Variants in OGDH observed in about 807,000 individuals in gnomAD.
OGDH encodes 2-oxoglutarate dehydrogenase complex component E1.
OGDH carries 38 observed loss-of-function variants against 116.6 expected under a neutral mutation model. That is an observed-to-expected ratio of 0.33 (90% CI 0.25 to 0.43). The LOEUF is 0.43. Ranked by LOEUF, OGDH falls within the 20% of genes least tolerant of loss-of-function variation. OGDH has a pLI of 1.00. For synonymous variants in OGDH, 488 were observed against 533.3 expected, an observed-to-expected ratio of 0.92 and a Z score of 1.17; for missense variants, 825 against 1,357.2, an observed-to-expected ratio of 0.61 and a Z score of 6.16.
At position 44,700,247 on chromosome 7, in the gene OGDH, T is replaced by A; in HGVS notation, c.2537T>A (p.Ile846Asn). ...GNFFHVLRRQ[I>N]LLPFRKPLII... ...TTCTTCCACGTGCTACGACGCCAGA[T>A]CCTGCTGCCATTCCGGAAGCCGGTC... The change falls in exon 19 of 23, where the codon ATC becomes AAC. Residue 846 changes from isoleucine (I) to asparagine (N), a missense_variant. By Grantham distance (149) the Ile-to-Asn change is moderately radical. Coordinates refer to ENST00000222673, the MANE Select transcript of OGDH (RefSeq NM_002541.4). The A allele has an allele frequency of 1.2e-6, 2 of 1,614,208 alleles. No individual in the cohort carries two copies. Among genetic ancestry groups the A allele is most frequent in the Non-Finnish European group, 1.7e-6 (2 of 1,180,030 alleles).
chr7:44,660,754 G>A (rs765526351), intron 4 of OGDH, among the ~76,000 whole-genome samples: 3 of 152,058 alleles, frequency 2.0e-5, no homozygotes, highest in Non-Finnish European at 4.4e-5. Flanking sequence ...CGAGACCCCT[G>A]TTTCCACCAC....
chr7:44,679,909 C>T (rs57185783), intron 9 of OGDH, among the ~76,000 whole-genome samples: 1 of 152,152 alleles, frequency 6.6e-6, no homozygotes, highest in East Asian at 1.9e-4. Context: ...AGCCTGATTC[C>T]TTAAAAACCC....
intron 2 of OGDH, among the ~76,000 whole-genome samples, chr7:44,628,393 A>T (rs1785290150): frequency 1.3e-5 from 2 of 149,424 alleles, no homozygotes; most frequent in East Asian, 2.0e-4. Flanking sequence ...TTTTTTTTAC[A>T]TTTGGTTTTA....
At chr7:44,689,392 C>CTTTTTTTTTTTTTTTTTTTT (rs561058807) in intron 10 of OGDH, among the ~76,000 whole-genome samples, 1 of 71,220 alleles carries the variant, frequency 1.4e-5, no homozygotes, top group African/African-American at 5.9e-5. Flanking sequence ...ATTTTTTTTT[C>CTTTTTTTTTTTTTTTTTTTT]TTTTTTTTTT....
chr7:44,666,387 C>G (rs1048793083), intron 4 of OGDH, among the ~76,000 whole-genome samples: 2 of 152,156 alleles, frequency 1.3e-5, no homozygotes, highest in African/African-American at 4.8e-5. Flanking sequence ...AGTGCCTTTT[C>G]ATGGACCTCT....
intron 9 of OGDH, chr7:44,676,614 GTA>G (rs71858267): frequency 0.56 from 73,103 of 130,666 alleles, 19,082 homozygotes; most frequent in Middle Eastern, 0.64. Flanking sequence ...GTGTGTGTGT[GTA>G]TATATATATA....
intron 1 of OGDH, among the ~76,000 whole-genome samples, chr7:44,617,398 G>C (rs1394039672): frequency 6.6e-6 from 1 of 152,150 alleles, no homozygotes; most frequent in African/African-American, 2.4e-5. Context: ...TGTTGGCCCA[G>C]GAAAGCTCAC....
At chr7:44,685,097 T>A (rs1407822241) in intron 10 of OGDH, among the ~76,000 whole-genome samples, 6 of 152,314 alleles carry the variant, frequency 3.9e-5, no homozygotes. Context: ...TTTTTCTGTT[T>A]TTTTACTAGG....
chr7:44,705,671 G>A (rs1027146231), intron 20 of OGDH, among the ~76,000 whole-genome samples: 1 of 152,084 alleles, frequency 6.6e-6, no homozygotes, highest in Non-Finnish European at 1.5e-5. Context: ...CCAGAGTACT[G>A]GGATTACATG....
chr7:44,643,944 C>G (rs117615860), intron 2 of OGDH, among the ~76,000 whole-genome samples: 1 of 152,094 alleles, frequency 6.6e-6, no homozygotes, highest in Admixed American at 6.5e-5. Flanking sequence ...CGATGGCTTA[C>G]GCCTGTAATC....
intron 7 of OGDH, 100 bp from the exon 8 acceptor site, chr7:44,675,078 G>A: frequency 3.3e-6 from 3 of 916,968 alleles, no homozygotes; most frequent in Non-Finnish European, 5.2e-6. Flanking sequence ...GAGGTGCCGT[G>A]TCCTGGGGGG....
At chr7:44,650,167 T>C (rs923587305) in intron 4 of OGDH, among the ~76,000 whole-genome samples, 1 of 152,112 alleles carries the variant, frequency 6.6e-6, no homozygotes, top group African/African-American at 2.4e-5. Context: ...GTACAAAAAA[T>C]GGAAACCGCG....
At chr7:44,661,146 CACAT>C (rs1562648807) in intron 4 of OGDH, among the ~76,000 whole-genome samples, 1 of 152,198 alleles carries the variant, frequency 6.6e-6, no homozygotes, top group African/African-American at 2.4e-5. Flanking sequence ...TTGGTGTATA[CACAT>C]TTCAGATTGC....
intron 4 of OGDH, among the ~76,000 whole-genome samples, chr7:44,662,809 C>G (rs934940513): frequency 1.3e-5 from 2 of 152,148 alleles, no homozygotes; most frequent in African/African-American, 4.8e-5. Context: ...GAACTCCTGT[C>G]ATTTGAATTG....
intron 4 of OGDH, among the ~76,000 whole-genome samples, chr7:44,658,911 C>T (rs1178450552): frequency 1.3e-5 from 2 of 152,110 alleles, no homozygotes; most frequent in Non-Finnish European, 2.9e-5. Context: ...TCTCAGCTCA[C>T]TGCAACCTCC....
At chr7:44,651,938 A>G (rs1360364883) in intron 4 of OGDH, among the ~76,000 whole-genome samples, 2 of 151,924 alleles carry the variant, frequency 1.3e-5, no homozygotes, top group African/African-American at 4.8e-5. Flanking sequence ...CTCTGAGCTC[A>G]AGCACTCCAC....
chr7:44,700,257 A>G lies in OGDH; in HGVS notation c.2547A>G (p.Pro849=). ...FHVLRRQILL[P]FRKPLIIFTP... Reference sequence around the variant, plus strand: ...TGCTACGACGCCAGATCCTGCTGCCATTCCGGAAGCCGGTCAGTGGCAGGG... The same window carrying G: ...TGCTACGACGCCAGATCCTGCTGCCGTTCCGGAAGCCGGTCAGTGGCAGGG... Residue 849 remains proline (P), a synonymous_variant, in exon 19 of 23, where the codon CCA becomes CCG. Transcript: ENST00000222673. 1.2e-6 allele frequency: 2 copies of G among 1,614,194 alleles called. No homozygotes were observed. Among genetic ancestry groups the G allele is most frequent in the Non-Finnish European group, 1.7e-6 (2 of 1,180,022 alleles).
intron 2 of OGDH, 109 bp from the exon 3 acceptor site, chr7:44,645,218 C>A: frequency 1.0e-6 from 1 of 996,574 alleles, no homozygotes; most frequent in South Asian, 1.5e-5. Flanking sequence ...CAGGCTCAGC[C>A]AGCCTATGGT....
chr7:44,691,174 A>G (rs2116319089), intron 10 of OGDH, among the ~76,000 whole-genome samples: 1 of 152,260 alleles, frequency 6.6e-6, no homozygotes, highest in African/African-American at 2.4e-5. Context: ...CATACTTAGA[A>G]ATTCCCTTCC....
Sources: gnomAD v4.1 joint callset for allele counts (sites outside exome capture counted in the v4.1 genomes callset) on GRCh38, gnomAD v4.1.1 for gene constraint, MANE v1.5 for transcripts, NCBI Gene and HGNC (gene_info 2026-07-23, HGNC 2026-07-21) for gene names.